Variants in STK3 observed in about 807,000 individuals in gnomAD.
STK3 encodes the protein serine/threonine-protein kinase 3.
Under a neutral mutation model 58.0 loss-of-function variants are expected in STK3, and 41 were observed. The observed-to-expected ratio is 0.71, with a 90% CI of 0.55 to 0.92. The LOEUF (loss-of-function observed/expected upper bound fraction) is 0.92, where lower values mean the gene tolerates loss of function less well. Among genes scored for constraint, STK3 ranks in the 40% least tolerant of loss-of-function variants. The pLI, the probability that STK3 is intolerant of heterozygous loss-of-function variation, is 0.00. For missense variants in STK3, 479 were observed against 602.7 expected, an observed-to-expected ratio of 0.79 and a Z score of 2.15; for synonymous variants, 170 against 191.0, an observed-to-expected ratio of 0.89 and a Z score of 0.91.
At chr8:98,584,272 C>G (rs1436950213) in intron 7 of STK3, among the ~76,000 whole-genome samples, 3 of 151,096 alleles carry the variant, frequency 2.0e-5, no homozygotes, top group Non-Finnish European at 3.0e-5. Context: ...CAACAGTCCC[C>G]AGAGTGTGAT....
At chr8:98,843,009 C>A (rs1177845790) in intron 3 of STK3, among the ~76,000 whole-genome samples, 1 of 151,440 alleles carries the variant, frequency 6.6e-6, no homozygotes, top group South Asian at 2.1e-4. Context: ...TGGAGTAAGA[C>A]TCCCTAAAAA....
chr8:98,560,812 T>C (rs1367919617), intron 8 of STK3, among the ~76,000 whole-genome samples: 2 of 152,038 alleles, frequency 1.3e-5, no homozygotes, highest in Non-Finnish European at 2.9e-5. Flanking sequence ...GTGGGTGGAT[T>C]GCTTGAGCCC....
At chr8:98,549,010 T>C (rs1563729118) in intron 8 of STK3, among the ~76,000 whole-genome samples, 1 of 152,290 alleles carries the variant, frequency 6.6e-6, no homozygotes, top group South Asian at 2.1e-4. Context: ...TATTTATCTG[T>C]TGATGGCCAT....
chr8:98,742,294 ACCAATAT>A (rs1314712499), intron 4 of STK3, among the ~76,000 whole-genome samples: 2 of 151,352 alleles, frequency 1.3e-5, no homozygotes, highest in African/African-American at 4.9e-5. Context: ...AGAATTTTAG[ACCAATAT>A]CCTTGATGAA....
intron 6 of STK3, among the ~76,000 whole-genome samples, chr8:98,612,748 A>G (rs899887874): frequency 2.2e-4 from 33 of 152,186 alleles, no homozygotes; most frequent in African/African-American, 7.7e-4. Context: ...AACACCACAG[A>G]AAAAACTGTA....
intron 8 of STK3, among the ~76,000 whole-genome samples, chr8:98,558,297 C>A (rs1379353010): frequency 6.6e-6 from 1 of 152,052 alleles, no homozygotes; most frequent in African/African-American, 2.4e-5. Flanking sequence ...TAGGTTATTA[C>A]ATTAACTAAC....
intron 1 of STK3, chr8:98,905,639 T>C: frequency 1.2e-6 from 1 of 831,804 alleles, no homozygotes; most frequent in Non-Finnish European, 2.1e-6. Flanking sequence ...TGTGGCCTCC[T>C]GGGGCAGGTT....
At chr8:98,584,279 T>G (rs1448145612) in intron 7 of STK3, among the ~76,000 whole-genome samples, 2 of 145,698 alleles carry the variant, frequency 1.4e-5, no homozygotes, top group Non-Finnish European at 3.0e-5. Context: ...CCCCAGAGTG[T>G]GATGTTCCCC....
intron 1 of STK3, among the ~76,000 whole-genome samples, chr8:98,780,657 AG>A (rs1223757621): frequency 6.6e-6 from 1 of 152,106 alleles, no homozygotes; most frequent in East Asian, 1.9e-4. Flanking sequence ...TAAGAAACAC[AG>A]GGGAAAAAAA....
intron 3 of STK3, among the ~76,000 whole-genome samples, chr8:98,852,971 AT>A (rs779462569): frequency 1.3e-5 from 2 of 152,160 alleles, no homozygotes; most frequent in East Asian, 3.8e-4. Context: ...TTAACTTGGA[AT>A]AAAGGCTCAG....
In STK3 at chr8:98,428,168, C is replaced by A; in HGVS notation, n.483+5959G>T. On this transcript the variant is annotated intron_variant and non_coding_transcript_variant, in intron 3 of 3. Transcript: ENST00000517832. This position sits in a 1 kb window ranked among gnomAD's most constrained non-coding sequence, Gnocchi z 6.7. ...TTCTGGAGCTCTGCGATGACTACGA[C>A]GACGTCCAGCGGGAGTTCTACTTCG... 6.2e-7 allele frequency: 1 copy of A among 1,614,122 alleles called. No homozygotes were observed. The highest frequency in any genetic ancestry group is 8.5e-7 in the Non-Finnish European group (1 of 1,180,018).
intron 9 of STK3, among the ~76,000 whole-genome samples, chr8:98,546,971 C>T (rs1810750075): frequency 6.6e-6 from 1 of 152,078 alleles, no homozygotes; most frequent in African/African-American, 2.4e-5. Context: ...TGGGTCAGAC[C>T]TCATGGCGGA....
At chr8:98,404,926 C>T (rs1817979112) in intron 3 of STK3, among the ~76,000 whole-genome samples, 1 of 152,114 alleles carries the variant, frequency 6.6e-6, no homozygotes, top group Admixed American at 6.5e-5. Context: ...AATAAGCACA[C>T]AATAACTAGG....
rs567178615 is a variant in STK3 at position 98,801,585 on chromosome 8, C to G, written c.26+23930G>C. Among the ~76,000 whole-genome samples, 5 of 152,038 alleles carry G rather than the reference C, an allele frequency of 3.3e-5. No individual in the cohort carries two copies. The South Asian group carries it at 8.4e-4, about 25-fold the overall frequency. ...CTGCTTTAAGAGCTGTAACAGTCACCGCAACGGTCTGTAGCTTCACTCCTG... is the reference window on the plus strand; with the variant it reads ...CTGCTTTAAGAGCTGTAACAGTCACGGCAACGGTCTGTAGCTTCACTCCTG... On this transcript the variant is annotated intron_variant, in intron 1 of 10. Coordinates refer to ENST00000419617, the MANE Select transcript of STK3 (RefSeq NM_006281.4).
chr8:98,774,438 C>T (rs1326662080), intron 2 of STK3, among the ~76,000 whole-genome samples: 3 of 152,110 alleles, frequency 2.0e-5, no homozygotes, highest in Non-Finnish European at 4.4e-5. Flanking sequence ...AAAGTCAAAA[C>T]CTTCAAACGT....
intron 1 of STK3, among the ~76,000 whole-genome samples, chr8:98,926,260 C>A (rs72668453): frequency 0.08 from 12,097 of 152,102 alleles, 530 homozygotes; most frequent in South Asian, 0.1. Flanking sequence ...ATATTTATTC[C>A]TAGATCACAT....
chr8:98,521,515 C>T (rs1246878124), intron 10 of STK3, among the ~76,000 whole-genome samples: 1 of 151,964 alleles, frequency 6.6e-6, no homozygotes, highest in Non-Finnish European at 1.5e-5. Context: ...CCTATCAATC[C>T]TTCATGCTAT....
intron 4 of STK3, among the ~76,000 whole-genome samples, chr8:98,743,028 G>A (rs1384014023): frequency 7.2e-5 from 11 of 151,994 alleles, no homozygotes; most frequent in Admixed American, 1.3e-4. Context: ...TACAAGGGAC[G>A]TGAAGGACCT....
intron 1 of STK3, among the ~76,000 whole-genome samples, chr8:98,887,841 T>C (rs1351470894): frequency 6.6e-6 from 1 of 152,222 alleles, no homozygotes; most frequent in African/African-American, 2.4e-5. Flanking sequence ...CTGGACAAAG[T>C]ACCACAAAGC....
Sources: allele counts gnomAD v4.1 joint callset (sites outside exome capture counted in the v4.1 genomes callset), GRCh38; gene constraint gnomAD v4.1.1; non-coding constraint Gnocchi (gnomAD v3.1); transcripts MANE v1.5; gene names NCBI Gene and HGNC (gene_info 2026-07-23, HGNC 2026-07-21).